C4orf50: variants seen among roughly 807,000 people sequenced by gnomAD.
C4orf50 encodes uncharacterized protein C4orf50.
A neutral mutation model predicts 77.2 loss-of-function variants in C4orf50; 80 were observed. The observed-to-expected ratio is 1.04, with a 90% CI of 0.87 to 1.25. C4orf50 has a LOEUF of 1.25. Among genes scored for constraint, C4orf50 ranks in the 50% most tolerant of loss-of-function variants. The pLI, the probability that C4orf50 is intolerant of heterozygous loss-of-function variation, is 0.00. For synonymous variants in C4orf50, 532 were observed against 465.3 expected (o/e 1.14, Z -1.84); for missense variants, 1,257 against 1,152.9 (o/e 1.09, Z -1.31).
chr4:5,967,272 G>A, intron 32 of C4orf50, 142 bp downstream of exon 10: 1 of 699,970 alleles, frequency 1.4e-6, no homozygotes, highest in Non-Finnish European at 2.6e-6. Flanking sequence ...TAGGAAAGCG[G>A]GAGGGAGAGG....
chr4:5,925,710 C>T (rs1010644218), intron 7 of C4orf50, among the ~76,000 whole-genome samples: 2 of 152,264 alleles, frequency 1.3e-5, no homozygotes, highest in East Asian at 1.9e-4. Context: ...TGGCCCTGGC[C>T]TTGGGGGGCC....
At chr4:5,924,942 C>G (rs1290595704) in intron 7 of C4orf50, among the ~76,000 whole-genome samples, 1 of 151,936 alleles carries the variant, frequency 6.6e-6, no homozygotes, top group East Asian at 1.9e-4. Flanking sequence ...GGAAGGAGCA[C>G]TTGGGTGGCA....
chr4:5,951,340 G>GA (rs1272714587), intron 7 of C4orf50, among the ~76,000 whole-genome samples: 4 of 17,104 alleles, frequency 2.3e-4, no homozygotes, highest in African/African-American at 5.9e-4. Context: ...AGGGAATGAA[G>GA]GGGGGTGGTG....
chr4:5,906,715 G>A (rs964606978), intron 7 of C4orf50, among the ~76,000 whole-genome samples: 6 of 152,204 alleles, frequency 3.9e-5, no homozygotes, highest in African/African-American at 1.4e-4. Flanking sequence ...TCCATCCCAA[G>A]GGTGTTAGTG....
At chr4:5,965,132 G>A in exon 33 of C4orf50, 1 of 1,612,854 alleles carries the variant, frequency 6.2e-7, no homozygotes, top group African/African-American at 1.3e-5. Flanking sequence ...CAGGATTCAA[G>A]AGGTATGTCT....
chr4:5,982,981 T>G (rs1312401733), intron 28 of C4orf50, among the ~76,000 whole-genome samples: 3 of 152,068 alleles, frequency 2.0e-5, no homozygotes, highest in Non-Finnish European at 4.4e-5. Context: ...CTGCTCACTG[T>G]AGGAAATTTG....
At chr4:5,999,382 C>T (rs1337335704) in intron 25 of C4orf50, among the ~76,000 whole-genome samples, 1 of 152,152 alleles carries the variant, frequency 6.6e-6, no homozygotes, top group African/African-American at 2.4e-5. Context: ...TTGTGGGGAA[C>T]GCAACACATT....
At chr4:5,917,122 A>G (rs896342865) in intron 7 of C4orf50, among the ~76,000 whole-genome samples, 1 of 152,178 alleles carries the variant, frequency 6.6e-6, no homozygotes, top group Non-Finnish European at 1.5e-5. Context: ...CTCAATTTGT[A>G]TGACTACTGT....
chr4:5,968,799 G>A lies in C4orf50; in HGVS notation c.4105-1337C>T, dbSNP rs28367167. Among the ~76,000 whole-genome samples, 1,051 of 152,260 alleles carry A rather than the reference G, an allele frequency of 6.9e-3. 18 individuals are homozygous for A. The highest frequency in any genetic ancestry group is 0.024 in the African/African-American group (1,015 of 41,548). On this transcript the variant is annotated intron_variant, in intron 31 of 33. Coordinates refer to ENST00000531445, the Ensembl canonical transcript of C4orf50. Reference sequence around the variant, plus strand: ...CATTAGACAGAGGCTCCTTCAACGCGAGACTGGGGTTTTGTTCGCCTTCGT... The same window carrying A: ...CATTAGACAGAGGCTCCTTCAACGCAAGACTGGGGTTTTGTTCGCCTTCGT...
intron 31 of C4orf50, among the ~76,000 whole-genome samples, chr4:5,968,608 T>C (rs1410300277): frequency 3.3e-5 from 5 of 152,188 alleles, no homozygotes; most frequent in Non-Finnish European, 5.9e-5. Context: ...CTTCACTCTA[T>C]CCTTCCAGCT....
chr4:5,980,431 G>T, intron 28 of C4orf50, 93 bp from the exon 7 acceptor site: 9 of 941,080 alleles, frequency 9.6e-6, no homozygotes, highest in Non-Finnish European at 1.2e-5. Flanking sequence ...CCACTCCGTA[G>T]TTTTTTTTTT....
intron 7 of C4orf50, among the ~76,000 whole-genome samples, chr4:5,924,249 A>G (rs1274484726): frequency 6.6e-6 from 1 of 152,174 alleles, no homozygotes; most frequent in Non-Finnish European, 1.5e-5. Context: ...CATCTATCCT[A>G]TTATTTCTGT....
chr4:5,946,121 C>G (rs1053670474), intron 7 of C4orf50, among the ~76,000 whole-genome samples: 6 of 152,256 alleles, frequency 3.9e-5, no homozygotes, highest in Admixed American at 3.3e-4. Flanking sequence ...TCCCCGCCCT[C>G]TGAACCTAGG....
intron 25 of C4orf50, among the ~76,000 whole-genome samples, chr4:6,004,355 T>A (rs1722123988): frequency 1.2e-4 from 2 of 17,288 alleles, no homozygotes; most frequent in African/African-American, 2.4e-4. Flanking sequence ...ATGATGACGG[T>A]GATGGTGATG....
At chr4:5,952,873 C>G (rs989920959), downstream of C4orf50, among the ~76,000 whole-genome samples, 3 of 152,202 alleles carry the variant, frequency 2.0e-5, no homozygotes, top group African/African-American at 7.2e-5. This position sits in a 1 kb window ranked among gnomAD's most constrained non-coding sequence, Gnocchi z 4.4. Context: ...CTGTGTGCAT[C>G]CACCCCTGAC....
intron 25 of C4orf50, among the ~76,000 whole-genome samples, chr4:5,995,474 A>AACACACACACACACACACACAC (rs55858229): frequency 2.2e-5 from 3 of 134,056 alleles, no homozygotes; most frequent in Non-Finnish European, 4.7e-5. Flanking sequence ...TGGGACTGGA[A>AACACACACACACACACACACAC]ACACACACAC....
chr4:5,947,809 T>A (rs577564902), intron 7 of C4orf50, among the ~76,000 whole-genome samples: 2 of 152,276 alleles, frequency 1.3e-5, no homozygotes, highest in Admixed American at 6.5e-5. Context: ...GAGCCCCTGA[T>A]AAAATCAGGA....
chr4:5,934,582 A>C (rs1474226495), intron 7 of C4orf50, among the ~76,000 whole-genome samples: 1 of 151,694 alleles, frequency 6.6e-6, no homozygotes, highest in African/African-American at 2.4e-5. Flanking sequence ...CATGTTCTTC[A>C]CCCATGCTTT....
At chr4:6,003,312 G>A (rs1247496732) in intron 25 of C4orf50, among the ~76,000 whole-genome samples, 1 of 152,148 alleles carries the variant, frequency 6.6e-6, no homozygotes, top group Non-Finnish European at 1.5e-5. Context: ...AAGCCCTCAG[G>A]AAAAATAAAT....
Sources: allele counts gnomAD v4.1 joint callset (sites outside exome capture counted in the v4.1 genomes callset), GRCh38; gene constraint gnomAD v4.1.1; non-coding constraint Gnocchi (gnomAD v3.1); transcripts MANE v1.5; gene names NCBI Gene and HGNC (gene_info 2026-07-23, HGNC 2026-07-21).